The following RANBP17 variants were observed in gnomAD, a reference collection of about 807,000 sequenced individuals.
RANBP17 encodes the protein RAN binding protein 17.
Under a neutral mutation model 141.2 loss-of-function variants are expected in RANBP17, and 158 were observed. The observed-to-expected ratio is 1.12, with a 90% CI of 0.98 to 1.28. The LOEUF (loss-of-function observed/expected upper bound fraction) is 1.28, where lower values mean the gene tolerates loss of function less well. Among genes scored for constraint, RANBP17 ranks in the 50% most tolerant of loss-of-function variants. RANBP17 has a pLI of 0.00. For missense variants in RANBP17, 1,438 were observed against 1,290.7 expected (o/e 1.11, Z -1.75); for synonymous variants, 430 against 450.0 (o/e 0.96, Z 0.56).
intron 3 of RANBP17, among the ~76,000 whole-genome samples, chr5:170,888,093 T>G (rs1409917795): frequency 6.6e-6 from 1 of 152,228 alleles, no homozygotes; most frequent in Non-Finnish European, 1.5e-5. Flanking sequence ...AGCTTTATGG[T>G]ATGCCTTGAA....
chr5:171,128,807 AT>A (rs1237470524), intron 14 of RANBP17, among the ~76,000 whole-genome samples: 1 of 129,490 alleles, frequency 7.7e-6, no homozygotes, highest in Admixed American at 8.5e-5. Context: ...TAATAAAAAA[AT>A]AAAATAGTCA....
chr5:171,021,352 A>G (rs1780842562), intron 14 of RANBP17, among the ~76,000 whole-genome samples: 1 of 152,212 alleles, frequency 6.6e-6, no homozygotes, highest in South Asian at 2.1e-4. Flanking sequence ...CCTGGATAAT[A>G]TCCTGAAGTG....
chr5:170,923,072 G>A (rs1002650084), intron 11 of RANBP17, among the ~76,000 whole-genome samples: 1 of 152,076 alleles, frequency 6.6e-6, no homozygotes, highest in Non-Finnish European at 1.5e-5. Flanking sequence ...TTATACCTAT[G>A]GAAACTAATC....
At chr5:171,233,946 G>A (rs1317918007) in intron 22 of RANBP17, among the ~76,000 whole-genome samples, 1 of 152,140 alleles carries the variant, frequency 6.6e-6, no homozygotes, top group Non-Finnish European at 1.5e-5. Context: ...CCACTCTAGT[G>A]GGGGATGTTG....
At chr5:171,187,418 G>A (rs781584877) in intron 18 of RANBP17, among the ~76,000 whole-genome samples, 1 of 151,416 alleles carries the variant, frequency 6.6e-6, no homozygotes, top group Non-Finnish European at 1.5e-5. Flanking sequence ...TTCGACTCAG[G>A]TTTGCCACAA....
intron 14 of RANBP17, among the ~76,000 whole-genome samples, chr5:171,126,986 C>G (rs1278370397): frequency 6.6e-6 from 1 of 152,100 alleles, no homozygotes; most frequent in Admixed American, 6.6e-5. Context: ...TCTATAAGGT[C>G]GGCAATACCT....
chr5:171,171,149 T>C, intron 15 of RANBP17, 57 bp from the exon 16 acceptor site: 1 of 921,096 alleles, frequency 1.1e-6, no homozygotes, highest in East Asian at 2.5e-5. Flanking sequence ...TATTCTCTGG[T>C]TCTCCTTAGA....
chr5:170,866,903 CT>C (rs1767311925), intron 1 of RANBP17: 1 of 152,242 alleles, frequency 6.6e-6, no homozygotes, highest in African/African-American at 2.4e-5. Flanking sequence ...ATCACTTGAG[CT>C]TAGGGGTTCT....
chr5:171,227,074 A>G (rs778958652), intron 22 of RANBP17, among the ~76,000 whole-genome samples: 19 of 152,162 alleles, frequency 1.2e-4, no homozygotes, highest in Admixed American at 1.0e-3. Context: ...AATCAGGCCA[A>G]TGAATAACCC....
intron 22 of RANBP17, among the ~76,000 whole-genome samples, chr5:171,223,577 G>C (rs1396558768): frequency 2.6e-5 from 4 of 152,298 alleles, no homozygotes; most frequent in African/African-American, 9.6e-5. Context: ...AGAGGTTGCA[G>C]TGAGCCAATA....
rs554849473 is a variant in RANBP17, at chr5:171,289,040, T to C, written c.2944-4843T>C. 5.3e-4 allele frequency among the ~76,000 whole-genome samples: 80 copies of C among 152,352 alleles called. 3 individuals are homozygous for C. The South Asian group carries it at 9.9e-3, about 19-fold the overall frequency. On this transcript the variant is annotated intron_variant, in intron 25 of 27. Transcript: ENST00000523189. ...TCTGTACAGTGCCCTTTCAACTCTT[T>C]AGCTCTTTATACTTTACCTTATGAT...
At chr5:171,161,208 A>G (rs1459341770) in intron 14 of RANBP17, among the ~76,000 whole-genome samples, 7 of 152,258 alleles carry the variant, frequency 4.6e-5, no homozygotes, top group Non-Finnish European at 7.3e-5. Flanking sequence ...TGTCATTCAT[A>G]TAACCACATC....
intron 20 of RANBP17, among the ~76,000 whole-genome samples, chr5:171,212,321 T>C (rs1274004337): frequency 2.6e-5 from 4 of 152,174 alleles, no homozygotes. Context: ...GAGTGCTCAT[T>C]GAACATAGAT....
At position 170,915,880 on chromosome 5, in the gene RANBP17, T is replaced by C. The variant is rs369902664; in HGVS notation, c.835-585T>C. Among the ~76,000 whole-genome samples the C allele has an allele frequency of 4.1e-4, 63 of 152,146 alleles. 1 individual carries two copies. The South Asian group carries it at 0.013, about 31-fold the overall frequency. On this transcript the variant is annotated intron_variant, in intron 8 of 27. Coordinates refer to ENST00000523189, the MANE Select transcript of RANBP17 (RefSeq NM_022897.5). Reference sequence around the variant, plus strand: ...AAATGGAACTAGATATCATAAGCAATTGAGAGCCTATTAAATGTATAGCAT... The same window carrying C: ...AAATGGAACTAGATATCATAAGCAACTGAGAGCCTATTAAATGTATAGCAT...
intron 14 of RANBP17, among the ~76,000 whole-genome samples, chr5:171,057,776 C>T (rs534917126): frequency 6.6e-6 from 1 of 152,176 alleles, no homozygotes; most frequent in African/African-American, 2.4e-5. Flanking sequence ...GGAGGGAGTG[C>T]AAGCAGGGGT....
chr5:171,133,237 TG>T (rs1354663193), intron 14 of RANBP17, among the ~76,000 whole-genome samples: 1 of 152,204 alleles, frequency 6.6e-6, no homozygotes, highest in African/African-American at 2.4e-5. Flanking sequence ...TGTGGAGTTA[TG>T]TTTTTTGAAA....
At chr5:170,867,847 A>G (rs547749481) in intron 1 of RANBP17, among the ~76,000 whole-genome samples, 1 of 152,324 alleles carries the variant, frequency 6.6e-6, no homozygotes, top group East Asian at 1.9e-4. Context: ...AATCAAGAAA[A>G]TGAACATATC....
chr5:171,060,856 A>C (rs1309264646), intron 14 of RANBP17, among the ~76,000 whole-genome samples: 3 of 151,846 alleles, frequency 2.0e-5, no homozygotes, highest in Non-Finnish European at 4.4e-5. Flanking sequence ...TTATTAGTCT[A>C]TTCAGAGATT....
At chr5:170,979,358 T>C (rs989722) in intron 14 of RANBP17, among the ~76,000 whole-genome samples, 91,401 of 152,124 alleles carry the variant, frequency 0.6, 29,197 homozygotes, top group South Asian at 0.88. Flanking sequence ...TAGTTAAATA[T>C]AGCAAATTAA....
Sources: gnomAD v4.1 joint callset for allele counts (sites outside exome capture counted in the v4.1 genomes callset) on GRCh38, gnomAD v4.1.1 for gene constraint, MANE v1.5 for transcripts, NCBI Gene and HGNC (gene_info 2026-07-23, HGNC 2026-07-21) for gene names.